Variants in MKX observed in about 807,000 individuals in gnomAD.
The protein encoded by MKX is homeobox protein Mohawk.
Under a neutral mutation model 36.0 loss-of-function variants are expected in MKX, and 13 were observed. That is an observed-to-expected ratio of 0.36 (90% CI 0.24 to 0.57). The LOEUF (loss-of-function observed/expected upper bound fraction) is 0.57. Among genes scored for constraint, MKX ranks in the 20% least tolerant of loss-of-function variants. MKX has a pLI of 0.79. For missense variants in MKX, 458 were observed against 456.4 expected (o/e 1.00, Z -0.03); for synonymous variants, 176 against 178.3 (o/e 0.99, Z 0.10).
intron 5 of MKX, among the ~76,000 whole-genome samples, chr10:27,690,200 G>A (rs2451916): frequency 0.77 from 116,867 of 152,002 alleles, 45,188 homozygotes; most frequent in Admixed American, 0.83. Flanking sequence ...GTGAAACCCC[G>A]TCTCTACTAA....
chr10:27,706,735 A>G (rs1386065161), intron 5 of MKX, among the ~76,000 whole-genome samples: 1 of 152,152 alleles, frequency 6.6e-6, no homozygotes, highest in African/African-American at 2.4e-5. Flanking sequence ...CCCTTTGCTC[A>G]TTTTAATTGA....
intron 5 of MKX, among the ~76,000 whole-genome samples, chr10:27,701,985 G>C (rs1325123222): frequency 6.6e-6 from 1 of 151,984 alleles, no homozygotes; most frequent in African/African-American, 2.4e-5. Context: ...CTGGAGACTA[G>C]AATGTCCTCC....
At chr10:27,681,708 C>G (rs1836258146) in intron 5 of MKX, among the ~76,000 whole-genome samples, 1 of 151,930 alleles carries the variant, frequency 6.6e-6, no homozygotes, top group South Asian at 2.1e-4. Flanking sequence ...TCACTTGAGG[C>G]CAGGAGTTCG....
intron 5 of MKX, among the ~76,000 whole-genome samples, chr10:27,709,040 C>G (rs1248332255): frequency 6.6e-6 from 1 of 150,914 alleles, no homozygotes; most frequent in Non-Finnish European, 1.5e-5. Flanking sequence ...ATGGTGGTGG[C>G]TGCCTGTAAT....
chr10:27,734,587 G>A lies in MKX; in HGVS notation c.707C>T (p.Ala236Val). Residue 236 changes from alanine (A) to valine (V), a missense_variant, in exon 5 of 7, where the codon GCC (alanine) becomes GTC (valine). By Grantham distance (64) the Ala-to-Val change is moderately conservative. Transcript: ENST00000419761. ...TTTTCCCATCATGGTAGTGTTCGTG[G>A]CCATGACATGTCTCAAAGAGTCATT... ...YLNDSLRHVM[A>V]TNTTMMGKTR... 1.2e-6 allele frequency: 2 copies of A among 1,614,174 alleles called. No homozygotes were observed. Among genetic ancestry groups the A allele is most frequent in the Non-Finnish European group, 1.7e-6 (2 of 1,180,032 alleles).
chr10:27,745,423 G>T (rs1456626682), intron 1 of MKX: 1 of 152,646 alleles, frequency 6.6e-6, no homozygotes, highest in Non-Finnish European at 1.5e-5. Context: ...CACTTACCCC[G>T]ATTCACTCCA....
At chr10:27,693,184 G>A (rs918916513) in intron 5 of MKX, among the ~76,000 whole-genome samples, 4 of 152,198 alleles carry the variant, frequency 2.6e-5, no homozygotes, top group African/African-American at 9.7e-5. Flanking sequence ...ACTCTTGGCT[G>A]TGTGTGTGCT....
intron 5 of MKX, among the ~76,000 whole-genome samples, chr10:27,716,963 C>T (rs1836976984): frequency 6.6e-6 from 1 of 152,074 alleles, no homozygotes; most frequent in African/African-American, 2.4e-5. Flanking sequence ...CCCTTAAATG[C>T]AGAGCTTTTT....
chr10:27,682,347 T>C (rs1040615323), intron 5 of MKX, among the ~76,000 whole-genome samples: 1 of 152,154 alleles, frequency 6.6e-6, no homozygotes. Flanking sequence ...TAATTTATTG[T>C]AGAAGAAAAA....
At chr10:27,684,426 A>G (rs964060613) in intron 5 of MKX, among the ~76,000 whole-genome samples, 2 of 152,186 alleles carry the variant, frequency 1.3e-5, no homozygotes, top group African/African-American at 4.8e-5. Flanking sequence ...CAGAAAATCT[A>G]AGAAAAAGTG....
Position 27,744,248 on chromosome 10 carries a change from A to C in MKX, c.-82-751T>G, listed in dbSNP as rs984387378. ...TGGTCCTAAGGTCCAAGGCGCCAGG[A>C]CCCAGGTCCCCAGAGCCCTCAATCA... is the stretch of plus-strand genomic sequence containing the variant. On this transcript the variant is annotated intron_variant, in intron 1 of 6. Transcript: ENST00000419761. The surrounding 1 kb of genome is among the most constrained non-coding windows in gnomAD (Gnocchi z 5.6). 4.0e-5 allele frequency among the ~76,000 whole-genome samples: 6 copies of C among 151,752 alleles called. No homozygotes were observed. The highest frequency in any genetic ancestry group is 6.6e-5 in the Admixed American group (1 of 15,260).
intron 5 of MKX, among the ~76,000 whole-genome samples, chr10:27,681,591 G>A (rs1335927804): frequency 6.6e-6 from 1 of 152,048 alleles, no homozygotes; most frequent in Admixed American, 6.6e-5. Flanking sequence ...ATTTTTTATT[G>A]TTATTTGAGA....
At chr10:27,714,579 T>C (rs899766291) in intron 5 of MKX, among the ~76,000 whole-genome samples, 1 of 152,140 alleles carries the variant, frequency 6.6e-6, no homozygotes, top group Admixed American at 6.5e-5. Context: ...TTTCCAGTGA[T>C]TTCAGTTATA....
chr10:27,692,005 G>A lies in MKX; in HGVS notation c.839-16451C>T, dbSNP rs77694792. On this transcript the variant is annotated intron_variant, in intron 5 of 6. Coordinates refer to ENST00000419761, the MANE Select transcript of MKX (RefSeq NM_173576.3). ...TGTTTGGTATTGTGAATAGTGCTGC[G>A]ATGAATATACAAATGCATGTGTCTT... 0.015 allele frequency among the ~76,000 whole-genome samples: 2,343 copies of A among 152,180 alleles called. 153 individuals are homozygous for A. The East Asian group carries it at 0.2, about 13-fold the overall frequency.
At chr10:27,735,490 G>T in intron 3 of MKX, 116 bp from the exon 4 acceptor site, 1 of 744,894 alleles carries the variant, frequency 1.3e-6, no homozygotes, top group Admixed American at 3.3e-5. Flanking sequence ...AATATTCTCA[G>T]GACATAAGAA....
chr10:27,675,107 G>T lies in MKX; in HGVS notation c.*122C>A, dbSNP rs1438121230. The T allele has an allele frequency of 9.7e-6, 8 of 826,500 alleles. No individual in the cohort carries two copies. Among genetic ancestry groups the T allele is most frequent in the Non-Finnish European group, 1.5e-5 (8 of 543,442 alleles). 51.2% of individuals were successfully genotyped at this position (826,500 alleles called of 1,614,324 possible). On this transcript the variant is annotated 3_prime_UTR_variant, in exon 7 of 7. Transcript: ENST00000419761. ...AGAAGCAACTAAATGATATATTTGG[G>T]ATAATTAAAAATAAGAAGAGGTTTG...
At chr10:27,737,875 G>A (rs1322836769) in intron 3 of MKX, among the ~76,000 whole-genome samples, 2 of 152,016 alleles carry the variant, frequency 1.3e-5, no homozygotes, top group Non-Finnish European at 2.9e-5. Flanking sequence ...CAATTCTTAT[G>A]AAACTCTTCT....
chr10:27,682,429 C>T (rs1836269847), intron 5 of MKX, among the ~76,000 whole-genome samples: 1 of 152,084 alleles, frequency 6.6e-6, no homozygotes, highest in African/African-American at 2.4e-5. Flanking sequence ...AGAGTAATGT[C>T]CTAGGCCTTC....
chr10:27,705,553 C>T (rs1207398822), intron 5 of MKX, among the ~76,000 whole-genome samples: 3 of 152,192 alleles, frequency 2.0e-5, no homozygotes, highest in Non-Finnish European at 2.9e-5. Context: ...CAAAGTCTCA[C>T]TATGGTGCCC....
Sources: gnomAD v4.1 joint callset for allele counts (sites outside exome capture counted in the v4.1 genomes callset) on GRCh38, gnomAD v4.1.1 for gene constraint, Gnocchi (gnomAD v3.1) non-coding constraint, MANE v1.5 for transcripts, NCBI Gene and HGNC (gene_info 2026-07-23, HGNC 2026-07-21) for gene names.